The following UTRN variants were observed in gnomAD, a reference collection of about 807,000 sequenced individuals.
UTRN encodes utrophin, also known as dystrophin-related protein 1.
In UTRN, 283 loss-of-function variants were observed where a neutral mutation model predicts 463.9. The observed-to-expected ratio is 0.61, with a 90% CI of 0.55 to 0.67. The LOEUF (loss-of-function observed/expected upper bound fraction) is 0.67. UTRN is among the 30% of genes least tolerant of loss of function. The probability of loss-of-function intolerance (pLI) is 0.00; values close to 1 mark genes in which losing one functional copy is unlikely to be tolerated. For missense variants in UTRN, 3,922 were observed against 4,084.3 expected, an observed-to-expected ratio of 0.96 and a Z score of 1.08; for synonymous variants, 1,442 against 1,431.5, an observed-to-expected ratio of 1.01 and a Z score of -0.17.
chr6:144,352,516 G>A (rs1159324599), intron 2 of UTRN, among the ~76,000 whole-genome samples: 1 of 152,070 alleles, frequency 6.6e-6, no homozygotes, highest in Non-Finnish European at 1.5e-5. Flanking sequence ...CATGTCCCAC[G>A]GGACATGTCA....
chr6:144,607,698 A>G (rs922521021), intron 51 of UTRN, among the ~76,000 whole-genome samples: 1 of 152,190 alleles, frequency 6.6e-6, no homozygotes, highest in Non-Finnish European at 1.5e-5. Flanking sequence ...AAAATTCACC[A>G]AAAACTTCTG....
chr6:144,772,286 G>A (rs973957122), intron 59 of UTRN, among the ~76,000 whole-genome samples: 7 of 151,770 alleles, frequency 4.6e-5, no homozygotes, highest in Non-Finnish European at 8.8e-5. Flanking sequence ...CACCCGCCTC[G>A]GCCTCCCAAA....
At chr6:144,551,789 T>C (rs1330724448) in intron 48 of UTRN, among the ~76,000 whole-genome samples, 1 of 152,204 alleles carries the variant, frequency 6.6e-6, no homozygotes, top group East Asian at 1.9e-4. Flanking sequence ...CAGCCCGGCC[T>C]GTAATTATGC....
At chr6:144,843,940 T>A (rs1057296058) in intron 73 of UTRN, among the ~76,000 whole-genome samples, 1 of 152,252 alleles carries the variant, frequency 6.6e-6, no homozygotes, top group Non-Finnish European at 1.5e-5. Flanking sequence ...AGTCATAGTT[T>A]TCTGAATGAG....
chr6:144,558,214 T>C (rs1263668604), intron 50 of UTRN, among the ~76,000 whole-genome samples: 1 of 152,218 alleles, frequency 6.6e-6, no homozygotes, highest in East Asian at 1.9e-4. Flanking sequence ...TCCAGAGTGT[T>C]ATTTTTAGTT....
At chr6:144,830,591 T>C (rs1164272667) in intron 69 of UTRN, among the ~76,000 whole-genome samples, 1 of 152,240 alleles carries the variant, frequency 6.6e-6, no homozygotes, top group Admixed American at 6.5e-5. Context: ...GGATTATTTA[T>C]TATAAACTTG....
intron 32 of UTRN, 111 bp from the exon 33 acceptor site, chr6:144,493,190 C>A: frequency 9.9e-7 from 1 of 1,010,208 alleles, no homozygotes; most frequent in Non-Finnish European, 1.4e-6. Flanking sequence ...CCTTTGATCA[C>A]CATAGTTAGG....
intron 65 of UTRN, among the ~76,000 whole-genome samples, chr6:144,816,099 A>G (rs773050892): frequency 6.6e-6 from 1 of 152,194 alleles, no homozygotes; most frequent in Non-Finnish European, 1.5e-5. Context: ...GTAGGAGGTT[A>G]TCAAGAGGAC....
chr6:144,301,722 G>A (rs1186120109), intron 2 of UTRN, among the ~76,000 whole-genome samples: 13 of 151,586 alleles, frequency 8.6e-5, no homozygotes, highest in Non-Finnish European at 1.9e-4. Context: ...TTTAGTAGAA[G>A]TGGAGTTTCA....
chr6:144,522,596 G>T (rs1796202186), intron 40 of UTRN, among the ~76,000 whole-genome samples: 1 of 152,162 alleles, frequency 6.6e-6, no homozygotes, highest in Non-Finnish European at 1.5e-5. Context: ...GCATTTTCAT[G>T]TAACTTGATT....
rs186370263 is a variant in UTRN at position 144,315,918 on chromosome 6, G to A, written c.79+24011G>A. Among the ~76,000 whole-genome samples, 3 of 152,284 alleles carry A rather than the reference G, an allele frequency of 2.0e-5. 1 individual carries two copies. Among genetic ancestry groups the A allele is most frequent in the African/African-American group, 4.8e-5 (2 of 41,550 alleles). ...ATGGCGCTGTGAACTGCTGAAGGTCGCCTCGGCTCCATTGCTATCTGGACA... is the reference window on the plus strand; with the variant it reads ...ATGGCGCTGTGAACTGCTGAAGGTCACCTCGGCTCCATTGCTATCTGGACA... On this transcript the variant is annotated intron_variant, in intron 2 of 74. Coordinates refer to ENST00000367545, the MANE Select transcript of UTRN (RefSeq NM_007124.3).
At chr6:144,530,618 T>G (rs954100416) in intron 41 of UTRN, among the ~76,000 whole-genome samples, 18 of 152,296 alleles carry the variant, frequency 1.2e-4, no homozygotes, top group African/African-American at 4.3e-4. Flanking sequence ...TTCACAGTAT[T>G]TAAATGTTAA....
intron 33 of UTRN, among the ~76,000 whole-genome samples, chr6:144,498,826 T>A (rs2128583594): frequency 6.6e-6 from 1 of 152,252 alleles, no homozygotes; most frequent in East Asian, 1.9e-4. Context: ...GCTAATTTTT[T>A]GTATTTTTTA....
rs1778492822 is a variant in UTRN at position 144,355,724 on chromosome 6, T to A, written c.80-47399T>A. On this transcript the variant is annotated intron_variant, in intron 2 of 74. Transcript: ENST00000367545. The stretch of plus-strand genomic sequence containing the variant: ...TTCCCCAGTTACCACTTTTTGCCAC[T>A]GTTACCCAGTTTTCCCCACTGTTAA... Among the ~76,000 whole-genome samples the A allele has an allele frequency of 2.6e-5, 4 of 152,256 alleles. 1 individual carries two copies. The South Asian group carries it at 8.3e-4, about 32-fold the overall frequency.
At chr6:144,449,908 A>G (rs1485685246) in intron 17 of UTRN, among the ~76,000 whole-genome samples, 6 of 152,132 alleles carry the variant, frequency 3.9e-5, no homozygotes, top group Non-Finnish European at 8.8e-5. Context: ...TCATCTCTAA[A>G]GGGGATAATA....
chr6:144,746,461 C>A (rs1003552783), intron 54 of UTRN, among the ~76,000 whole-genome samples: 5 of 151,996 alleles, frequency 3.3e-5, no homozygotes, highest in Non-Finnish European at 7.4e-5. Flanking sequence ...GAACCTGTTT[C>A]TCTAATTCAC....
chr6:144,417,418 T>C (rs960965585), intron 3 of UTRN, among the ~76,000 whole-genome samples: 5 of 152,232 alleles, frequency 3.3e-5, no homozygotes, highest in Non-Finnish European at 7.3e-5. Context: ...TTTCTTCGCC[T>C]GTAGAATGAA....
intron 3 of UTRN, among the ~76,000 whole-genome samples, chr6:144,417,097 A>G (rs2114834898): frequency 6.6e-6 from 1 of 152,292 alleles, no homozygotes; most frequent in East Asian, 1.9e-4. Flanking sequence ...AAAGCACCAG[A>G]CACGCTTTAA....
At chr6:144,533,554 C>T (rs1187269308) in intron 43 of UTRN, among the ~76,000 whole-genome samples, 3 of 152,044 alleles carry the variant, frequency 2.0e-5, no homozygotes, top group African/African-American at 7.2e-5. Flanking sequence ...GTTGAAATAA[C>T]TGAAACTCCA....
Sources: allele counts gnomAD v4.1 joint callset (sites outside exome capture counted in the v4.1 genomes callset), GRCh38; gene constraint gnomAD v4.1.1; transcripts MANE v1.5; gene names NCBI Gene and HGNC (gene_info 2026-07-23, HGNC 2026-07-21).